RALYL: variants seen among roughly 807,000 people sequenced by gnomAD.
RALYL encodes RNA-binding Raly-like protein.
RALYL carries 29 observed loss-of-function variants against 35.1 expected under a neutral mutation model. The observed-to-expected ratio is 0.83, with a 90% CI of 0.61 to 1.13. The LOEUF (loss-of-function observed/expected upper bound fraction) is 1.13. Ranked by LOEUF, RALYL falls within the 50% of genes most tolerant of loss-of-function variation. RALYL has a pLI of 0.00. For synonymous variants in RALYL, 120 were observed against 127.6 expected, an observed-to-expected ratio of 0.94 and a Z score of 0.40; for missense variants, 359 against 360.4, an observed-to-expected ratio of 1.00 and a Z score of 0.03.
intron 1 of RALYL, among the ~76,000 whole-genome samples, chr8:84,359,949 T>A (rs1333699897): frequency 6.6e-6 from 1 of 151,316 alleles, no homozygotes; most frequent in Non-Finnish European, 1.5e-5. Context: ...CAGGCTGGAG[T>A]GCAGTGGTGT....
chr8:84,671,899 A>AT (rs1344320026), intron 2 of RALYL, among the ~76,000 whole-genome samples: 2 of 152,084 alleles, frequency 1.3e-5, no homozygotes, highest in Non-Finnish European at 2.9e-5. Context: ...AGCCAGCTTG[A>AT]TTTTCTCCTC....
chr8:84,681,472 T>A (rs1006534971), intron 2 of RALYL, among the ~76,000 whole-genome samples: 2 of 146,098 alleles, frequency 1.4e-5, no homozygotes, highest in Non-Finnish European at 3.0e-5. Flanking sequence ...TTCCTATCCA[T>A]GAGCATGGAA....
At chr8:84,662,068 A>T (rs1388602548) in intron 2 of RALYL, among the ~76,000 whole-genome samples, 3 of 152,182 alleles carry the variant, frequency 2.0e-5, no homozygotes, top group Non-Finnish European at 4.4e-5. Flanking sequence ...TACATAAAAA[A>T]GTTTGAAAGC....
chr8:84,734,548 G>T (rs979518161), intron 2 of RALYL, among the ~76,000 whole-genome samples: 6 of 152,056 alleles, frequency 3.9e-5, no homozygotes, highest in African/African-American at 1.4e-4. Context: ...TCAGTATAGA[G>T]AAACAGAATT....
chr8:84,862,141 G>C (rs1481560588), intron 5 of RALYL, among the ~76,000 whole-genome samples, 155 bp from the exon 6 acceptor site: 1 of 152,142 alleles, frequency 6.6e-6, no homozygotes, highest in Non-Finnish European at 1.5e-5. Context: ...AATTAAATCT[G>C]CCAATAAATA....
chr8:84,915,521 A>C (rs1461601001), intron 8 of RALYL, among the ~76,000 whole-genome samples: 1 of 152,086 alleles, frequency 6.6e-6, no homozygotes, highest in East Asian at 1.9e-4. Context: ...TCAATGTAAC[A>C]AATTCTTTTC....
chr8:84,205,641 C>G (rs1410163458), intron 1 of RALYL, among the ~76,000 whole-genome samples: 3 of 152,112 alleles, frequency 2.0e-5, no homozygotes, highest in Non-Finnish European at 1.5e-5. Flanking sequence ...CACTAGTTAT[C>G]AATAAAGAGC....
intron 1 of RALYL, among the ~76,000 whole-genome samples, chr8:84,382,509 ATAAT>A (rs1225622548): frequency 2.0e-5 from 3 of 151,908 alleles, no homozygotes; most frequent in South Asian, 2.1e-4. Context: ...TAAAATTAAC[ATAAT>A]TTATTTATTC....
chr8:84,876,064 A>G (rs1386174239), intron 7 of RALYL, among the ~76,000 whole-genome samples: 1 of 152,128 alleles, frequency 6.6e-6, no homozygotes, highest in African/African-American at 2.4e-5. Context: ...AGCTCTCAGT[A>G]CATTACTTTG....
chr8:84,331,450 T>C (rs1846797492), intron 1 of RALYL, among the ~76,000 whole-genome samples: 1 of 152,122 alleles, frequency 6.6e-6, no homozygotes, highest in Non-Finnish European at 1.5e-5. Flanking sequence ...TGTTACCTTT[T>C]AAAATAATTA....
chr8:84,886,741 T>C (rs1842968921), intron 7 of RALYL, among the ~76,000 whole-genome samples: 2 of 152,218 alleles, frequency 1.3e-5, no homozygotes, highest in Non-Finnish European at 2.9e-5. Flanking sequence ...TTTCTGTATA[T>C]GGAATGCACA....
chr8:84,490,144 A>G lies in RALYL; in HGVS notation c.-23-39155A>G, dbSNP rs574761734. Among the ~76,000 whole-genome samples, 6 of 150,636 alleles carry G rather than the reference A, an allele frequency of 4.0e-5. No homozygotes were observed. The South Asian group carries it at 1.1e-3, about 26-fold the overall frequency. On this transcript the variant is annotated intron_variant, in intron 1 of 8. Coordinates refer to ENST00000521268, the MANE Select transcript of RALYL (RefSeq NM_173848.7). ...GTTGAGTGGGGAGGGAATAATTTTCATACTCCAATAAGAAATGTTGAAGAC... is the reference window on the plus strand; with the variant it reads ...GTTGAGTGGGGAGGGAATAATTTTCGTACTCCAATAAGAAATGTTGAAGAC...
intron 1 of RALYL, among the ~76,000 whole-genome samples, chr8:84,350,923 C>A (rs1380825963): frequency 6.7e-6 from 1 of 149,860 alleles, no homozygotes; most frequent in African/African-American, 2.5e-5. Flanking sequence ...AGGAAATAAA[C>A]CTGGGCACTA....
At chr8:84,528,896 A>G (rs2134928676) in intron 1 of RALYL, among the ~76,000 whole-genome samples, 1 of 152,264 alleles carries the variant, frequency 6.6e-6, no homozygotes, top group East Asian at 1.9e-4. Flanking sequence ...CAAACAGAAG[A>G]TGGAGGTTAC....
At chr8:84,722,617 T>TATATATATATATATATATATATATATA (rs1554546342) in intron 2 of RALYL, among the ~76,000 whole-genome samples, 2 of 97,406 alleles carry the variant, frequency 2.1e-5, no homozygotes, top group African/African-American at 5.2e-5. Flanking sequence ...TAGAGTGATT[T>TATATATATATATATATATATATATATA]TATATATATA....
intron 2 of RALYL, among the ~76,000 whole-genome samples, chr8:84,711,422 C>A (rs764141507): frequency 6.6e-6 from 1 of 152,078 alleles, no homozygotes; most frequent in Non-Finnish European, 1.5e-5. Flanking sequence ...CAGTCATTGA[C>A]TGGAAGACAA....
At chr8:84,254,276 TAA>T (rs1287414276) in intron 1 of RALYL, among the ~76,000 whole-genome samples, 1 of 152,162 alleles carries the variant, frequency 6.6e-6, no homozygotes, top group Non-Finnish European at 1.5e-5. Context: ...TTTAAAGATA[TAA>T]GATTAAATTA....
At chr8:84,743,516 G>T (rs577075310) in intron 2 of RALYL, among the ~76,000 whole-genome samples, 77 of 151,950 alleles carry the variant, frequency 5.1e-4, no homozygotes, top group Non-Finnish European at 1.0e-3. Flanking sequence ...TAAGAAAAGG[G>T]TTCTCACATT....
intron 1 of RALYL, among the ~76,000 whole-genome samples, chr8:84,345,561 A>G (rs1015751435): frequency 1.3e-5 from 2 of 152,058 alleles, no homozygotes; most frequent in African/African-American, 4.8e-5. Flanking sequence ...ATTCAATGAA[A>G]TGATATCACC....
Sources: gnomAD v4.1 joint callset for allele counts (sites outside exome capture counted in the v4.1 genomes callset) on GRCh38, gnomAD v4.1.1 for gene constraint, MANE v1.5 for transcripts, NCBI Gene and HGNC (gene_info 2026-07-23, HGNC 2026-07-21) for gene names.